HECW2: variants seen among roughly 807,000 people sequenced by gnomAD.
HECW2 encodes HECT, C2 and WW domain containing E3 ubiquitin protein ligase 2, also known as E3 ubiquitin-protein ligase HECW2.
A neutral mutation model predicts 175.2 loss-of-function variants in HECW2; 61 were observed. That is an observed-to-expected ratio of 0.35 (90% CI 0.28 to 0.43). The LOEUF is 0.43. HECW2 is among the 20% of genes least tolerant of loss of function. The probability of loss-of-function intolerance (pLI) is 1.00; values close to 1 mark genes in which losing one functional copy is unlikely to be tolerated. For synonymous variants in HECW2, 671 were observed against 731.0 expected (o/e 0.92, Z 1.32); for missense variants, 1,524 against 2,000.5 (o/e 0.76, Z 4.54).
At position 196,270,657 on chromosome 2, in the gene HECW2, G is replaced by T. The variant is rs535818084; in HGVS notation, c.3335+536C>A. Among the ~76,000 whole-genome samples the T allele has an allele frequency of 1.9e-3, 287 of 151,272 alleles. 2 individuals are homozygous for T. The highest frequency in any genetic ancestry group is 6.7e-3 in the African/African-American group (275 of 41,316). Reference sequence around the variant, plus strand: ...GGCTTAAATTTTTTTTTCATATTTCGTTTTTTAAATAGGGTTCTGGGTTGT... The same window carrying T: ...GGCTTAAATTTTTTTTTCATATTTCTTTTTTTAAATAGGGTTCTGGGTTGT... On this transcript the variant is annotated intron_variant, in intron 17 of 28. Transcript: ENST00000644978.
intron 1 of HECW2, among the ~76,000 whole-genome samples, chr2:196,467,420 A>G (rs1220356997): frequency 6.6e-6 from 1 of 152,062 alleles, no homozygotes; most frequent in African/African-American, 2.4e-5. Context: ...CTATTTATTG[A>G]GAGCTTTCTG....
chr2:196,414,152 G>A (rs749902971), intron 2 of HECW2, among the ~76,000 whole-genome samples: 2 of 152,186 alleles, frequency 1.3e-5, no homozygotes, highest in African/African-American at 2.4e-5. Context: ...CTCACGCCAC[G>A]TGAATATTTC....
chr2:196,343,621 C>A, intron 3 of HECW2, 36 bp downstream of exon 3: 1 of 1,312,488 alleles, frequency 7.6e-7, no homozygotes, highest in South Asian at 1.2e-5. Flanking sequence ...ATGCAATGTT[C>A]AATAATAAGT....
chr2:196,453,614 T>G (rs1439990298), intron 1 of HECW2, among the ~76,000 whole-genome samples: 1 of 152,224 alleles, frequency 6.6e-6, no homozygotes, highest in Non-Finnish European at 1.5e-5. Flanking sequence ...GCTTAAAATA[T>G]CATCTGCTTT....
At chr2:196,591,451 T>G (rs139081118) in intron 1 of HECW2, among the ~76,000 whole-genome samples, 3 of 152,342 alleles carry the variant, frequency 2.0e-5, no homozygotes, top group African/African-American at 7.2e-5. Context: ...AAAGACATTT[T>G]TGTTAATAAA....
intron 1 of HECW2, among the ~76,000 whole-genome samples, chr2:196,544,134 C>G (rs759953584): frequency 5.7e-4 from 86 of 152,178 alleles, no homozygotes; most frequent in Admixed American, 6.5e-4. Context: ...GCATTAAGGA[C>G]AGTAACCAGT....
intron 2 of HECW2, among the ~76,000 whole-genome samples, chr2:196,380,997 G>A (rs575170028): frequency 2.6e-5 from 4 of 152,204 alleles, no homozygotes; most frequent in African/African-American, 9.6e-5. Flanking sequence ...AGAATGTGGT[G>A]GTGGGGGTTC....
intron 15 of HECW2, among the ~76,000 whole-genome samples, chr2:196,277,962 A>C (rs1243011419): frequency 5.2e-5 from 5 of 95,344 alleles, no homozygotes; most frequent in Non-Finnish European, 1.0e-4. Flanking sequence ...GGAACATCAC[A>C]CACCGGGGCC....
At chr2:196,340,219 G>C (rs970289904) in intron 3 of HECW2, among the ~76,000 whole-genome samples, 41 of 152,220 alleles carry the variant, frequency 2.7e-4, no homozygotes, top group African/African-American at 9.2e-4. Context: ...TTAAAAAAAA[G>C]TTCCATGCAA....
At chr2:196,555,052 C>A (rs1689747081) in intron 1 of HECW2, among the ~76,000 whole-genome samples, 1 of 152,104 alleles carries the variant, frequency 6.6e-6, no homozygotes, top group Non-Finnish European at 1.5e-5. Context: ...GCCCAAAATA[C>A]AGACACTGAG....
chr2:196,298,695 T>C (rs1690911816), intron 13 of HECW2, among the ~76,000 whole-genome samples: 1 of 152,218 alleles, frequency 6.6e-6, no homozygotes, highest in Non-Finnish European at 1.5e-5. Context: ...CCCCTTCCTG[T>C]GTCCAAGTGT....
intron 18 of HECW2, 151 bp from the exon 19 acceptor site, chr2:196,254,180 A>G (rs1248533911): frequency 7.7e-7 from 1 of 1,303,662 alleles, no homozygotes; most frequent in Non-Finnish European, 1.0e-6. Flanking sequence ...TTCTTGGTAC[A>G]AAATGGCTGG....
intron 1 of HECW2, among the ~76,000 whole-genome samples, chr2:196,520,888 A>C (rs1322570512): frequency 6.6e-6 from 1 of 152,218 alleles, no homozygotes. Flanking sequence ...ATAAGACATA[A>C]AATTATTTAT....
intron 2 of HECW2, among the ~76,000 whole-genome samples, chr2:196,405,111 G>A (rs1357083722): frequency 1.3e-5 from 2 of 151,820 alleles, no homozygotes; most frequent in Non-Finnish European, 2.9e-5. Context: ...GATTACAGGT[G>A]TGAGCCATCG....
At chr2:196,506,729 C>T (rs536343289) in intron 1 of HECW2, among the ~76,000 whole-genome samples, 22 of 151,698 alleles carry the variant, frequency 1.5e-4, no homozygotes, top group Non-Finnish European at 2.4e-4. Flanking sequence ...AATAGAAAAC[C>T]AGTACCCCTT....
chr2:196,268,511 C>A (rs16848615), intron 17 of HECW2, among the ~76,000 whole-genome samples: 3 of 152,152 alleles, frequency 2.0e-5, no homozygotes, highest in Admixed American at 6.5e-5. Context: ...CTTGGGCCTG[C>A]AGCTTTTCCC....
intron 1 of HECW2, among the ~76,000 whole-genome samples, chr2:196,464,243 G>C (rs141780714): frequency 3.9e-5 from 6 of 152,106 alleles, no homozygotes; most frequent in African/African-American, 1.4e-4. Context: ...TCTCATTTTA[G>C]GGCCTTTAAA....
At chr2:196,558,157 T>C (rs1689872911) in intron 1 of HECW2, among the ~76,000 whole-genome samples, 1 of 152,192 alleles carries the variant, frequency 6.6e-6, no homozygotes, top group African/African-American at 2.4e-5. Flanking sequence ...ATTAAAGTTA[T>C]TTTTCTAACA....
At chr2:196,582,065 C>T (rs549897029) in intron 1 of HECW2, among the ~76,000 whole-genome samples, 40 of 138,928 alleles carry the variant, frequency 2.9e-4, no homozygotes, top group African/African-American at 1.1e-3. Context: ...GACTCCATCT[C>T]GAAAAATAAT....
Sources: allele counts gnomAD v4.1 joint callset (sites outside exome capture counted in the v4.1 genomes callset), GRCh38; gene constraint gnomAD v4.1.1; transcripts MANE v1.5; gene names NCBI Gene and HGNC (gene_info 2026-07-23, HGNC 2026-07-21).